Variants in PTPRU observed in about 807,000 individuals in gnomAD.
The protein encoded by PTPRU is protein tyrosine phosphatase receptor type U.
In PTPRU, 69 loss-of-function variants were observed where a neutral mutation model predicts 166.3. That is an observed-to-expected ratio of 0.41 (90% confidence interval 0.34 to 0.51). PTPRU has a LOEUF of 0.51. Among genes scored for constraint, PTPRU ranks in the 20% least tolerant of loss-of-function variants. PTPRU has a pLI of 0.09. For missense variants in PTPRU, 1,657 were observed against 2,013.7 expected, an observed-to-expected ratio of 0.82 and a Z score of 3.39; for synonymous variants, 793 against 814.0, an observed-to-expected ratio of 0.97 and a Z score of 0.44.
intron 21 of PTPRU, 139 bp from the exon 22 acceptor site, chr1:29,312,413 A>C (rs1419300919): frequency 7.3e-6 from 6 of 822,582 alleles, no homozygotes; most frequent in African/African-American, 1.7e-5. Context: ...ATTAATACCT[A>C]CTTCATCAGT....
In PTPRU at chr1:29,259,544, G is replaced by T. The variant is rs1684939090; in HGVS notation, c.655G>T (p.Ala219Ser). ...CATGGCCGCGGGCAGAGCGGCCGAG[G>T]CCGAACGCTTCCTCTTGCAAGTGAG... ...QCMAAGRAAE[A>S]ERFLLQRQSG... The change falls in exon 5 of 30, where the codon GCC (alanine) becomes TCC (serine). Residue 219 changes from alanine (A) to serine (S), a missense_variant. This residue lies in a region of PTPRU where 453 missense variants were observed against 496.9 expected (regional missense o/e 0.91). Transcript: ENST00000373779. 2.1e-6 allele frequency: 3 copies of T among 1,422,386 alleles called. No homozygotes were observed. The highest frequency in any genetic ancestry group is 9.4e-7 in the Non-Finnish European group (1 of 1,061,866). The allele number at this position is 1,422,386 out of a possible 1,614,324, so 88.1% of individuals were successfully genotyped here.
intron 18 of PTPRU, among the ~76,000 whole-genome samples, chr1:29,308,522 G>A (rs1359249029): frequency 3.9e-5 from 5 of 128,428 alleles, no homozygotes; most frequent in African/African-American, 1.3e-4. Flanking sequence ...AGTCGAGATC[G>A]TGCCATTGCA....
chr1:29,278,936 C>A (rs369727420), intron 8 of PTPRU, 76 bp from the exon 9 acceptor site: 3 of 1,189,544 alleles, frequency 2.5e-6, no homozygotes, highest in Non-Finnish European at 3.6e-6. Context: ...TAGGAAGCGG[C>A]AAGGCTGGAA....
Position 29,326,106 on chromosome 1 carries a change from G to A in PTPRU, c.*445G>A, listed in dbSNP as rs977643084. ...CTGCATGTGGGTAGAGGATGTACTGGGACTTGGCATTTAGGATTCCATCTG... is the reference window on the plus strand; with the variant it reads ...CTGCATGTGGGTAGAGGATGTACTGAGACTTGGCATTTAGGATTCCATCTG... On this transcript the variant is annotated 3_prime_UTR_variant, in exon 30 of 30. Coordinates refer to ENST00000373779, the MANE Select transcript of PTPRU (RefSeq NM_133178.4). The A allele has an allele frequency of 1.0e-5, 4 of 390,410 alleles. No individual in the cohort carries two copies. The highest frequency in any genetic ancestry group is 2.1e-5 in the African/African-American group (1 of 48,480). The allele number at this position is 390,410 out of a possible 1,614,324, so 24.2% of individuals were successfully genotyped here.
rs772465677 is a variant in PTPRU, at chr1:29,320,819, C to T, written c.3822C>T (p.Ser1274=). 15 of 1,578,684 alleles carry T rather than the reference C, an allele frequency of 9.5e-6. No individual in the cohort carries two copies. Among genetic ancestry groups the T allele is most frequent in the South Asian group, 4.6e-5 (4 of 87,640 alleles). The part of the protein sequence containing the change: ...VMLNQLNQSN[S]AWPCLQYWPE... ...TCAACCAGCTGAACCAGTCCAACTC[C>T]GCCTGGGTGAGGCCTCCACTGGCCA... The change falls in exon 26 of 30, where the codon TCC becomes TCT. Residue 1274 remains serine, a synonymous_variant. Transcript: ENST00000373779. The surrounding 1 kb of genome is among the most constrained non-coding windows in gnomAD (Gnocchi z 5.2).
chr1:29,310,659 C>G, intron 18 of PTPRU, 85 bp from the exon 19 acceptor site: 1 of 1,428,268 alleles, frequency 7.0e-7, no homozygotes. Flanking sequence ...AGGGGTTCTG[C>G]TGCTGGGAGG....
intron 26 of PTPRU, among the ~76,000 whole-genome samples, chr1:29,322,385 A>C (rs1297060044): frequency 1.3e-5 from 2 of 152,230 alleles, no homozygotes; most frequent in Non-Finnish European, 2.9e-5. Context: ...AAGAGCTATG[A>C]AAGAGCTGGC....
chr1:29,309,616 C>T (rs1687556876), intron 18 of PTPRU, among the ~76,000 whole-genome samples: 1 of 152,232 alleles, frequency 6.6e-6, no homozygotes, highest in Non-Finnish European at 1.5e-5. Flanking sequence ...AGACATTTAA[C>T]ATACTACTTT....
At chr1:29,263,666 T>C (rs1685167128) in intron 7 of PTPRU, among the ~76,000 whole-genome samples, 1 of 152,214 alleles carries the variant, frequency 6.6e-6, no homozygotes, top group Non-Finnish European at 1.5e-5. Flanking sequence ...TTATTATCTG[T>C]CTTCTTATAA....
rs140481299 is a variant in PTPRU, at chr1:29,280,649, C to CTG, written c.1868+538_1868+539dup. Among the ~76,000 whole-genome samples the CTG allele has an allele frequency of 0.31, 44,061 of 143,812 alleles. 7,267 individuals are homozygous for CTG. Among genetic ancestry groups the CTG allele is most frequent in the East Asian group, 0.74 (3,511 of 4,728 alleles). 94.3% of individuals were successfully genotyped at this position (143,812 alleles called of 152,430 possible). A position where few individuals can be genotyped will look rare whatever the true frequency, so the allele number is the denominator to read the frequency against. ...TGGGGAGAGGGTGCTGGAGACAAGA[C>CTG]TGTGTGTGTGTGTGTGTGTGTGTGT... On this transcript the variant is annotated intron_variant, in intron 11 of 29. Transcript: ENST00000373779. The surrounding 1 kb of genome is among the most constrained non-coding windows in gnomAD (Gnocchi z 4.2).
intron 1 of PTPRU, among the ~76,000 whole-genome samples, chr1:29,240,259 A>G (rs1344752254): frequency 6.6e-6 from 1 of 152,166 alleles, no homozygotes; most frequent in African/African-American, 2.4e-5. Flanking sequence ...GGATTTTTAC[A>G]TAGCATTGTA....
intron 1 of PTPRU, among the ~76,000 whole-genome samples, chr1:29,243,054 C>T (rs1464531277): frequency 1.3e-5 from 2 of 152,122 alleles, no homozygotes; most frequent in Admixed American, 6.5e-5. Context: ...CGTGCCACCA[C>T]GCTCGGCTAA....
chr1:29,248,169 A>G (rs1873893), intron 1 of PTPRU, among the ~76,000 whole-genome samples: 1,784 of 152,228 alleles, frequency 0.012, 18 homozygotes, highest in African/African-American at 0.034. Flanking sequence ...CATGGGGTCA[A>G]TAAGTCCAGG....
At position 29,317,941 on chromosome 1, in the gene PTPRU, T is replaced by G. The variant is rs757198157; in HGVS notation, c.3687+20T>G. 6.2e-7 allele frequency: 1 copy of G among 1,611,930 alleles called. No homozygotes were observed. Among genetic ancestry groups the G allele is most frequent in the Non-Finnish European group, 8.5e-7 (1 of 1,179,346 alleles). On this transcript the variant is annotated intron_variant, in intron 25 of 29. Coordinates refer to ENST00000373779, the MANE Select transcript of PTPRU (RefSeq NM_133178.4). This position sits in a 1 kb window ranked among gnomAD's most constrained non-coding sequence, Gnocchi z 5.6. Reference sequence around the variant, plus strand: ...ACTGACGTGAGAGCTTGGGGTGGAGTGGGCTCTGGGGCTCCCCTTCCCAGC... The same window carrying G: ...ACTGACGTGAGAGCTTGGGGTGGAGGGGGCTCTGGGGCTCCCCTTCCCAGC...
At chr1:29,252,713 T>C (rs1461150214) in intron 1 of PTPRU, among the ~76,000 whole-genome samples, 1 of 152,134 alleles carries the variant, frequency 6.6e-6, no homozygotes, top group African/African-American at 2.4e-5. Context: ...GACATAGCAC[T>C]CACTCCCCAG....
chr1:29,267,769 C>T (rs913368502), intron 7 of PTPRU, among the ~76,000 whole-genome samples: 1 of 152,186 alleles, frequency 6.6e-6, no homozygotes, highest in African/African-American at 2.4e-5. Flanking sequence ...GCATCATCTA[C>T]TTTTGTTTAA....
Position 29,259,336 on chromosome 1 carries a change from C to A in PTPRU, c.553C>A (p.Pro185Thr), listed in dbSNP as rs1374191788. The change falls in exon 4 of 30, where the codon CCC becomes ACC. Residue 185 changes from proline (P) to threonine (T), a missense_variant. Physicochemically the swap from Pro to Thr is conservative, Grantham distance 38 (BLOSUM62 -1). Transcript: ENST00000373779. ...AGATGACATCCTGCTTCTCAGCTAC[C>A]CCTGCGGTGAGTCCCAGCCCACTGG... ...GLDDILLLSY[P>T]CAKAPHFSRL... The A allele has an allele frequency of 1.2e-6, 2 of 1,613,954 alleles. No individual in the cohort carries two copies. The highest frequency in any genetic ancestry group is 2.2e-5 in the South Asian group (2 of 91,066).
Position 29,291,127 on chromosome 1 carries a change from G to A in PTPRU, c.2319-742G>A, listed in dbSNP as rs1349845010. ...CTGCCATCCTCATCCGTGAAGCTGG[G>A]CCTGGAGGGAGAGGAGGTCTCTCTT... On this transcript the variant is annotated intron_variant, in intron 14 of 29. Transcript: ENST00000373779. The surrounding 1 kb of genome is among the most constrained non-coding windows in gnomAD (Gnocchi z 4.1). Among the ~76,000 whole-genome samples, 2 of 152,218 alleles carry A rather than the reference G, an allele frequency of 1.3e-5. No homozygotes were observed. Among genetic ancestry groups the A allele is most frequent in the African/African-American group, 2.4e-5 (1 of 41,472 alleles).
At position 29,260,256 on chromosome 1, in the gene PTPRU, G is replaced by A; in HGVS notation, c.850+212G>A. 3.6e-6 allele frequency: 2 copies of A among 556,440 alleles called. 1 individual carries two copies. The highest frequency in any genetic ancestry group is 7.5e-5 in the South Asian group (2 of 26,836). 34.5% of individuals were successfully genotyped at this position (556,440 alleles called of 1,614,324 possible). A position where few individuals can be genotyped will look rare whatever the true frequency, so the allele number is the denominator to read the frequency against. On this transcript the variant is annotated intron_variant, in intron 6 of 29. Coordinates refer to ENST00000373779, the MANE Select transcript of PTPRU (RefSeq NM_133178.4). This position sits in a 1 kb window ranked among gnomAD's most constrained non-coding sequence, Gnocchi z 8.3. ...GTCGGGGCTGGCTTCGAGGGGGACG[G>A]ACAGGGTCAAGGTGAGAGCCTAAAG...
Sources: allele counts gnomAD v4.1 joint callset (sites outside exome capture counted in the v4.1 genomes callset), GRCh38; gene constraint gnomAD v4.1.1; regional missense constraint gnomAD v4.1.1; non-coding constraint Gnocchi (gnomAD v3.1); transcripts MANE v1.5; gene names NCBI Gene and HGNC (gene_info 2026-07-23, HGNC 2026-07-21).